Variants in NAV3 observed in about 807,000 individuals in gnomAD.
The protein encoded by NAV3 is neuron navigator 3.
NAV3 carries 87 observed loss-of-function variants against 244.7 expected under a neutral mutation model. The ratio of observed to expected loss-of-function variants is 0.36; its 90% confidence interval spans 0.30 to 0.42. The LOEUF is 0.42. NAV3 is among the 20% of genes least tolerant of loss of function. The probability of loss-of-function intolerance (pLI) is 1.00; values close to 1 mark genes in which losing one functional copy is unlikely to be tolerated. For synonymous variants in NAV3, 1,126 were observed against 1,042.2 expected (o/e 1.08, Z -1.55); for missense variants, 2,663 against 2,893.3 (o/e 0.92, Z 1.83).
intron 2 of NAV3, among the ~76,000 whole-genome samples, chr12:77,588,422 A>T (rs7972287): frequency 6.6e-6 from 1 of 152,018 alleles, no homozygotes; most frequent in East Asian, 1.9e-4. Context: ...CCCAACCAAT[A>T]AGTATTTACT....
chr12:77,938,679 C>A (rs778206597), intron 1 of NAV3, among the ~76,000 whole-genome samples: 14 of 152,024 alleles, frequency 9.2e-5, no homozygotes, highest in Non-Finnish European at 1.8e-4. Flanking sequence ...TGACATATAA[C>A]AATACTAGCA....
intron 12 of NAV3, among the ~76,000 whole-genome samples, chr12:78,079,411 C>T (rs540083592): frequency 1.6e-4 from 24 of 152,158 alleles, no homozygotes; most frequent in African/African-American, 5.3e-4. Flanking sequence ...GCTATTGATG[C>T]GTTCATTATT....
At chr12:78,140,008 T>C (rs183127975) in intron 19 of NAV3, among the ~76,000 whole-genome samples, 66 of 152,292 alleles carry the variant, frequency 4.3e-4, no homozygotes, top group African/African-American at 1.5e-3. Flanking sequence ...ACTGTAGCTT[T>C]CAACATGTAC....
chr12:77,895,281 T>A (rs111665328), intron 1 of NAV3, among the ~76,000 whole-genome samples: 3,524 of 151,210 alleles, frequency 0.023, 101 homozygotes, highest in African/African-American at 0.066. Context: ...TCAAAGGACA[T>A]TTTAATTTTA....
chr12:77,965,377 T>C (rs1565966977), intron 3 of NAV3, among the ~76,000 whole-genome samples: 1 of 152,228 alleles, frequency 6.6e-6, no homozygotes, highest in East Asian at 1.9e-4. Flanking sequence ...CCTAAAACTT[T>C]GGGAGGCCAA....
At chr12:77,804,134 C>A (rs1390405495) in intron 2 of NAV3, among the ~76,000 whole-genome samples, 1 of 152,092 alleles carries the variant, frequency 6.6e-6, no homozygotes, top group Non-Finnish European at 1.5e-5. Flanking sequence ...GTTTGTTTTG[C>A]TGTGCAGAAG....
At chr12:78,159,078 T>G (rs1280599010) in intron 22 of NAV3, 125 bp from the exon 23 acceptor site, 2 of 630,686 alleles carry the variant, frequency 3.2e-6, no homozygotes, top group Admixed American at 6.4e-5. Context: ...CAGAGCTAAC[T>G]ATGATAGTCA....
intron 12 of NAV3, among the ~76,000 whole-genome samples, chr12:78,105,371 G>A (rs1160063316): frequency 6.6e-6 from 1 of 152,016 alleles, no homozygotes; most frequent in Non-Finnish European, 1.5e-5. Context: ...GGGGATAATT[G>A]TACCAATCAT....
chr12:77,843,487 A>G (rs1176166643), intron 1 of NAV3, among the ~76,000 whole-genome samples: 1 of 151,430 alleles, frequency 6.6e-6, no homozygotes. Context: ...ATAGATTCCT[A>G]AAAAGAACCT....
chr12:78,159,356 T>G (rs1398056840), intron 23 of NAV3, 70 bp downstream of exon 23: 2 of 1,311,418 alleles, frequency 1.5e-6, no homozygotes, highest in Non-Finnish European at 2.2e-6. Flanking sequence ...AAATAATACC[T>G]GAAGCTCCTT....
At chr12:78,156,095 C>T (rs576901809) in intron 22 of NAV3, among the ~76,000 whole-genome samples, 2 of 151,904 alleles carry the variant, frequency 1.3e-5, no homozygotes, top group Admixed American at 6.6e-5. Flanking sequence ...ATAATATTGC[C>T]CAGATTTTGT....
rs148739995 is a variant in NAV3, at chr12:77,616,383, G to T, written c.72+44117G>T. Among the ~76,000 whole-genome samples the T allele has an allele frequency of 4.9e-4, 75 of 152,182 alleles. No homozygotes were observed. The East Asian group carries it at 0.012, about 24-fold the overall frequency. On this transcript the variant is annotated intron_variant, in intron 2 of 8. Transcript: ENST00000550042. Reference sequence around the variant, plus strand: ...ATCACACCACTGTACTTCCAGCCTGGGCAATAAAATAAGTTAGTATGGGTA... The same window carrying T: ...ATCACACCACTGTACTTCCAGCCTGTGCAATAAAATAAGTTAGTATGGGTA...
At chr12:78,130,372 A>T in intron 18 of NAV3, 1 of 221,140 alleles carries the variant, frequency 4.5e-6, no homozygotes, top group South Asian at 8.2e-5. Flanking sequence ...TGATCTTCCT[A>T]GCAGCTTCCA....
chr12:77,840,153 G>A (rs1030463779), intron 1 of NAV3, among the ~76,000 whole-genome samples: 2 of 152,164 alleles, frequency 1.3e-5, no homozygotes, highest in South Asian at 4.1e-4. Context: ...ATATGGAATA[G>A]CATTTACCAG....
chr12:77,918,520 A>C (rs1026251119), intron 1 of NAV3, among the ~76,000 whole-genome samples: 9 of 152,008 alleles, frequency 5.9e-5, no homozygotes, highest in African/African-American at 2.2e-4. Flanking sequence ...TAAGACAAAA[A>C]CCATTTATTC....
chr12:77,602,902 A>G (rs1393300606), intron 2 of NAV3, among the ~76,000 whole-genome samples: 6 of 152,064 alleles, frequency 3.9e-5, no homozygotes, highest in African/African-American at 1.4e-4. Context: ...GGGAATTCCA[A>G]GAAATTGTGA....
intron 12 of NAV3, among the ~76,000 whole-genome samples, chr12:78,112,078 T>TC (rs1361774817): frequency 7.9e-5 from 12 of 152,188 alleles, no homozygotes; most frequent in African/African-American, 2.7e-4. Flanking sequence ...TATTAGCGAA[T>TC]CATAGCACTA....
chr12:78,148,299 T>C (rs1412268468), intron 21 of NAV3, among the ~76,000 whole-genome samples: 1 of 152,028 alleles, frequency 6.6e-6, no homozygotes, highest in Non-Finnish European at 1.5e-5. Context: ...ACAATTTAAA[T>C]GTGAACTGAT....
At chr12:77,762,433 A>T (rs935330481) in intron 2 of NAV3, among the ~76,000 whole-genome samples, 3 of 151,870 alleles carry the variant, frequency 2.0e-5, no homozygotes, top group South Asian at 4.2e-4. Flanking sequence ...ACAATAAAAA[A>T]TAAAAAAATA....
Sources: gnomAD v4.1 joint callset for allele counts (sites outside exome capture counted in the v4.1 genomes callset) on GRCh38, gnomAD v4.1.1 for gene constraint, MANE v1.5 for transcripts, NCBI Gene and HGNC (gene_info 2026-07-23, HGNC 2026-07-21) for gene names.